Variants in CLVS1 observed in about 807,000 individuals in gnomAD.
The protein encoded by CLVS1 is clavesin-1.
A neutral mutation model predicts 33.1 loss-of-function variants in CLVS1; 10 were observed. The observed-to-expected ratio is 0.30, with a 90% confidence interval of 0.19 to 0.51. The LOEUF (loss-of-function observed/expected upper bound fraction) is 0.51, where lower values mean the gene tolerates loss of function less well. CLVS1 is among the 20% of genes least tolerant of loss of function. The probability of loss-of-function intolerance (pLI) is 0.97; values close to 1 mark genes in which losing one functional copy is unlikely to be tolerated. For missense variants in CLVS1, 343 were observed against 433.4 expected, an observed-to-expected ratio of 0.79 and a Z score of 1.85; for synonymous variants, 163 against 166.1, an observed-to-expected ratio of 0.98 and a Z score of 0.14.
intron 2 of CLVS1, among the ~76,000 whole-genome samples, chr8:61,362,538 G>C (rs551515862): frequency 6.6e-6 from 1 of 152,134 alleles, no homozygotes; most frequent in Non-Finnish European, 1.5e-5. Flanking sequence ...TATTATTCTG[G>C]GGGTTATATT....
intron 2 of CLVS1, among the ~76,000 whole-genome samples, chr8:61,237,150 G>A (rs1471821505): frequency 6.6e-6 from 1 of 152,186 alleles, no homozygotes; most frequent in Non-Finnish European, 1.5e-5. Context: ...CCCAAGAGAA[G>A]TCCAGTGAAC....
At chr8:61,492,190 A>G (rs1051878009) in intron 5 of CLVS1, among the ~76,000 whole-genome samples, 10 of 152,244 alleles carry the variant, frequency 6.6e-5, no homozygotes, top group African/African-American at 2.4e-4. Flanking sequence ...CGTGAGTCAC[A>G]TATGTAATTT....
the CLVS1 span, among the ~76,000 whole-genome samples, chr8:61,017,221 G>A: frequency 6.6e-6 from 1 of 152,222 alleles, no homozygotes; most frequent in African/African-American, 2.4e-5. Context: ...AATAGAGTTA[G>A]CCAAATGGCT....
At chr8:61,234,353 T>G (rs1315708445) in intron 2 of CLVS1, among the ~76,000 whole-genome samples, 1 of 152,200 alleles carries the variant, frequency 6.6e-6, no homozygotes, top group Admixed American at 6.5e-5. Context: ...TGTATCCCCT[T>G]GATACATTTC....
chr8:60,971,201 C>T, the CLVS1 span, among the ~76,000 whole-genome samples: 1 of 151,444 alleles, frequency 6.6e-6, no homozygotes, highest in Admixed American at 6.6e-5. Flanking sequence ...CTCAGCCTTG[C>T]GAGTAGCTGG....
intron 2 of CLVS1, among the ~76,000 whole-genome samples, chr8:61,157,970 T>G (rs552795981): frequency 3.9e-5 from 6 of 152,184 alleles, no homozygotes; most frequent in Admixed American, 2.0e-4. Flanking sequence ...ACATCCAGCC[T>G]ATGACCTATG....
intron 2 of CLVS1, among the ~76,000 whole-genome samples, chr8:61,356,683 AT>A (rs1230400475): frequency 6.6e-6 from 1 of 152,132 alleles, no homozygotes; most frequent in Non-Finnish European, 1.5e-5. Flanking sequence ...TCCTTTCCCC[AT>A]TGTTTGTTTT....
chr8:61,304,761 C>G (rs1810560549), intron 2 of CLVS1, among the ~76,000 whole-genome samples: 1 of 152,124 alleles, frequency 6.6e-6, no homozygotes, highest in Admixed American at 6.5e-5. Flanking sequence ...AGAAGAAAAA[C>G]TGAGCATAAA....
At chr8:61,394,570 G>A (rs900996370) in intron 3 of CLVS1, among the ~76,000 whole-genome samples, 33 of 152,142 alleles carry the variant, frequency 2.2e-4, no homozygotes, top group Middle Eastern at 3.4e-3. Flanking sequence ...GGAAAATTAT[G>A]GCTGCCTCTA....
chr8:61,052,803 T>C (rs1275693566), upstream of CLVS1, among the ~76,000 whole-genome samples: 1 of 151,954 alleles, frequency 6.6e-6, no homozygotes, highest in African/African-American at 2.4e-5. Context: ...CAAGAGGAAG[T>C]CATTCTCTGG....
At chr8:60,984,113 A>G in the CLVS1 span, among the ~76,000 whole-genome samples, 148,890 of 152,210 alleles carry the variant, frequency 0.98, 72,840 homozygotes, top group East Asian at 1. Context: ...TTCCTCACCA[A>G]TGGGAAAGGG....
intron 1 of CLVS1, among the ~76,000 whole-genome samples, chr8:61,068,093 C>A (rs917375991): frequency 1.2e-4 from 18 of 151,206 alleles, no homozygotes. Context: ...GATTACTTGA[C>A]CCCAGAAGAT....
At chr8:61,156,441 C>T (rs536943314) in intron 2 of CLVS1, among the ~76,000 whole-genome samples, 1 of 152,080 alleles carries the variant, frequency 6.6e-6, no homozygotes, top group East Asian at 1.9e-4. Flanking sequence ...TTCTATTAGT[C>T]TGTCTTTTGT....
intron 3 of CLVS1, among the ~76,000 whole-genome samples, chr8:61,414,790 C>T (rs1366268915): frequency 1.3e-5 from 2 of 152,232 alleles, no homozygotes; most frequent in East Asian, 1.9e-4. Flanking sequence ...TCCTCTCAGT[C>T]AGGTAGCTTC....
chr8:61,117,462 G>C (rs1278103906), intron 1 of CLVS1, among the ~76,000 whole-genome samples: 4 of 151,770 alleles, frequency 2.6e-5, no homozygotes, highest in Non-Finnish European at 5.9e-5. Flanking sequence ...TTTTCAAAGG[G>C]AATGCTTCCA....
intron 3 of CLVS1, among the ~76,000 whole-genome samples, chr8:61,402,619 G>C (rs1416389317): frequency 6.6e-6 from 1 of 152,200 alleles, no homozygotes; most frequent in African/African-American, 2.4e-5. Context: ...AGTGGATGGA[G>C]TGACTCGTTT....
chr8:61,160,871 T>C (rs1806737860), intron 2 of CLVS1, among the ~76,000 whole-genome samples: 1 of 152,192 alleles, frequency 6.6e-6, no homozygotes, highest in Non-Finnish European at 1.5e-5. Flanking sequence ...AAAATCCTGC[T>C]GTCAGTTTAG....
intron 2 of CLVS1, among the ~76,000 whole-genome samples, chr8:61,245,733 C>T (rs1003479661): frequency 1.3e-5 from 2 of 151,062 alleles, no homozygotes; most frequent in African/African-American, 2.4e-5. Context: ...AAGTTTATTA[C>T]TTTAAAAATT....
intron 2 of CLVS1, among the ~76,000 whole-genome samples, chr8:61,254,415 C>T (rs550767634): frequency 3.9e-5 from 6 of 152,272 alleles, no homozygotes; most frequent in African/African-American, 7.2e-5. Context: ...TCTCAAGCTG[C>T]GTGCTGGGAG....
Sources: allele counts gnomAD v4.1 joint callset (sites outside exome capture counted in the v4.1 genomes callset), GRCh38; gene constraint gnomAD v4.1.1; transcripts MANE v1.5; gene names NCBI Gene and HGNC (gene_info 2026-07-23, HGNC 2026-07-21).